The following TC2N variants were observed in gnomAD, a reference collection of about 807,000 sequenced individuals.
The protein encoded by TC2N is tandem C2 domains, nuclear, also known as tandem C2 domains nuclear protein.
In TC2N, 51 loss-of-function variants were observed where a neutral mutation model predicts 61.9. The observed-to-expected ratio is 0.82, with a 90% confidence interval of 0.66 to 1.04. The LOEUF (loss-of-function observed/expected upper bound fraction) is 1.04, where lower values mean the gene tolerates loss of function less well. Among genes scored for constraint, TC2N ranks in the 50% least tolerant of loss-of-function variants. The probability of loss-of-function intolerance (pLI) is 0.00; values close to 1 mark genes in which losing one functional copy is unlikely to be tolerated. For missense variants in TC2N, 556 were observed against 566.7 expected (o/e 0.98, Z 0.19); for synonymous variants, 204 against 192.6 (o/e 1.06, Z -0.49).
chr14:91,816,400 A>C (rs1172595200), intron 1 of TC2N, among the ~76,000 whole-genome samples: 2 of 151,816 alleles, frequency 1.3e-5, no homozygotes, highest in Non-Finnish European at 3.0e-5. Flanking sequence ...CTTGTCATAT[A>C]AGATTAATCT....
chr14:91,821,451 CA>C (rs569310881), intron 1 of TC2N, among the ~76,000 whole-genome samples: 57 of 144,610 alleles, frequency 3.9e-4, no homozygotes, highest in African/African-American at 6.6e-4. Flanking sequence ...GCCCTTCCCA[CA>C]AAAAAAAAAA....
chr14:91,807,691 G>T lies in TC2N; in HGVS notation c.301+4621C>A, dbSNP rs548828848. Among the ~76,000 whole-genome samples the T allele has an allele frequency of 2.6e-5, 4 of 152,322 alleles. No individual in the cohort carries two copies. In the South Asian group the frequency reaches 6.2e-4, roughly 24 times the overall value. On this transcript the variant is annotated intron_variant, in intron 3 of 11. Transcript: ENST00000435962. ...GCAGGCTCATAGGCGGAAGGGACTTGCTTTGTCTCAGATGAGACTTTGAAT... is the reference window on the plus strand; with the variant it reads ...GCAGGCTCATAGGCGGAAGGGACTTTCTTTGTCTCAGATGAGACTTTGAAT...
At chr14:91,791,805 T>C (rs1242952692) in intron 9 of TC2N, among the ~76,000 whole-genome samples, 1 of 151,998 alleles carries the variant, frequency 6.6e-6, no homozygotes, top group African/African-American at 2.4e-5. Flanking sequence ...CCTTGAAGTA[T>C]AAAACATTAA....
intron 1 of TC2N, among the ~76,000 whole-genome samples, chr14:91,843,596 G>A (rs575506879): frequency 5.3e-5 from 8 of 152,274 alleles, no homozygotes; most frequent in African/African-American, 9.6e-5. Flanking sequence ...AATAACATTC[G>A]AAGCCTATCA....
chr14:91,788,971 A>T (rs140097079), intron 9 of TC2N, among the ~76,000 whole-genome samples: 1 of 147,952 alleles, frequency 6.8e-6, no homozygotes, highest in Admixed American at 6.8e-5. Flanking sequence ...TAAAAAAAAA[A>T]CCTTTGCTGA....
chr14:91,814,252 A>C (rs1242143776), intron 1 of TC2N, among the ~76,000 whole-genome samples: 9 of 151,296 alleles, frequency 5.9e-5, no homozygotes, highest in Non-Finnish European at 1.3e-4. Flanking sequence ...AGAAAAAAGA[A>C]AGAGGTAAAC....
chr14:91,797,581 T>C (rs539091353), intron 8 of TC2N, among the ~76,000 whole-genome samples: 1 of 152,114 alleles, frequency 6.6e-6, no homozygotes, highest in South Asian at 2.1e-4. Context: ...GAATAAGATA[T>C]TCTTTTTAAA....
chr14:91,787,939 A>G (rs1483991742), intron 9 of TC2N, among the ~76,000 whole-genome samples: 1 of 152,176 alleles, frequency 6.6e-6, no homozygotes, highest in African/African-American at 2.4e-5. Flanking sequence ...TGCCAGTGAA[A>G]TTAACACAAA....
At chr14:91,801,014 A>G (rs1886214320) in intron 4 of TC2N, among the ~76,000 whole-genome samples, 1 of 151,144 alleles carries the variant, frequency 6.6e-6, no homozygotes, top group Non-Finnish European at 1.5e-5. Flanking sequence ...ATACATATAT[A>G]CATATATATA....
At chr14:91,857,361 T>C (rs934179695) in intron 1 of TC2N, among the ~76,000 whole-genome samples, 7 of 152,192 alleles carry the variant, frequency 4.6e-5, no homozygotes, top group African/African-American at 1.2e-4. Context: ...AGGAAAGCAC[T>C]GAGGGAATGC....
At chr14:91,866,120 G>A (rs551857273) in intron 1 of TC2N, among the ~76,000 whole-genome samples, 1 of 152,242 alleles carries the variant, frequency 6.6e-6, no homozygotes, top group Non-Finnish European at 1.5e-5. Context: ...CAAGAGGGGA[G>A]TAGAGGAGAG....
Position 91,853,694 on chromosome 14 carries a change from T to C in TC2N, c.-57+13568A>G, listed in dbSNP as rs1205567089. ...CACACACACACACACACACACAATC[T>C]GTGATCAAAAAAGTTATTGAAGTGC... On this transcript the variant is annotated intron_variant, in intron 1 of 11. Transcript: ENST00000435962. 2.1e-5 allele frequency among the ~76,000 whole-genome samples: 3 copies of C among 145,588 alleles called. No homozygotes were observed. The Admixed American group carries it at 2.1e-4, about 10-fold the overall frequency.
intron 5 of TC2N, among the ~76,000 whole-genome samples, chr14:91,799,431 G>A (rs926109614): frequency 1.3e-5 from 2 of 151,988 alleles, no homozygotes; most frequent in Non-Finnish European, 1.5e-5. Context: ...TCAAAGCATA[G>A]TCAATCTGGA....
chr14:91,820,248 C>T (rs1481177468), intron 1 of TC2N, among the ~76,000 whole-genome samples: 2 of 151,952 alleles, frequency 1.3e-5, no homozygotes, highest in Non-Finnish European at 2.9e-5. Flanking sequence ...CAAGCCAAAT[C>T]CAGAAACGTA....
intron 1 of TC2N, among the ~76,000 whole-genome samples, chr14:91,864,006 A>C (rs544429836): frequency 1.3e-5 from 2 of 152,138 alleles, no homozygotes; most frequent in East Asian, 3.9e-4. Context: ...AAAGAAAAAA[A>C]CCCAGAATAA....
chr14:91,786,836 G>C lies in TC2N; in HGVS notation c.1162+677C>G, dbSNP rs760740920. Among the ~76,000 whole-genome samples the C allele has an allele frequency of 8.2e-4, 125 of 152,200 alleles. 1 individual carries two copies. The highest frequency in any genetic ancestry group is 3.4e-3 in the Middle Eastern group (1 of 294). ...TTTAGTTTTATTGATTATGCCTTTT[G>C]TGGTTGTCTCCATATCTGTCACCTT... is the stretch of plus-strand genomic sequence containing the variant. On this transcript the variant is annotated intron_variant, in intron 10 of 11. Coordinates refer to ENST00000435962, the MANE Select transcript of TC2N (RefSeq NM_001128596.3).
chr14:91,841,544 C>T (rs975296816), intron 1 of TC2N, among the ~76,000 whole-genome samples: 1 of 152,188 alleles, frequency 6.6e-6, no homozygotes, highest in Non-Finnish European at 1.5e-5. Context: ...GCTCATCCTC[C>T]TCCTCATGTC....
chr14:91,854,971 G>A (rs1888454321), intron 1 of TC2N, among the ~76,000 whole-genome samples: 1 of 152,218 alleles, frequency 6.6e-6, no homozygotes, highest in Non-Finnish European at 1.5e-5. Context: ...TGCAGCTGAG[G>A]ATCTGGAGGG....
chr14:91,850,657 G>A (rs1044503330), intron 1 of TC2N, among the ~76,000 whole-genome samples: 1 of 152,228 alleles, frequency 6.6e-6, no homozygotes, highest in Admixed American at 6.5e-5. Context: ...GCCTGCCCAG[G>A]CACAGTGGCT....
Sources: gnomAD v4.1 joint callset for allele counts (sites outside exome capture counted in the v4.1 genomes callset) on GRCh38, gnomAD v4.1.1 for gene constraint, MANE v1.5 for transcripts, NCBI Gene and HGNC (gene_info 2026-07-23, HGNC 2026-07-21) for gene names.